TRIM23: variants seen among roughly 807,000 people sequenced by gnomAD.
TRIM23 encodes the protein E3 ubiquitin-protein ligase TRIM23.
In TRIM23, 27 loss-of-function variants were observed where a neutral mutation model predicts 71.0. The ratio of observed to expected loss-of-function variants is 0.38; its 90% confidence interval spans 0.28 to 0.52. The LOEUF (loss-of-function observed/expected upper bound fraction) is 0.52. Among genes scored for constraint, TRIM23 ranks in the 20% least tolerant of loss-of-function variants. TRIM23 has a pLI of 0.84. For synonymous variants in TRIM23, 234 were observed against 238.0 expected (o/e 0.98, Z 0.16); for missense variants, 482 against 692.3 (o/e 0.70, Z 3.41).
rs1446117059 is a variant in TRIM23 at position 65,613,734 on chromosome 5, T to G, written c.366+364A>C. The G allele has an allele frequency of 3.4e-6, 4 of 1,193,846 alleles. No individual in the cohort carries two copies. The African/African-American group carries it at 6.4e-5, about 19-fold the overall frequency. 74.0% of individuals were successfully genotyped at this position (1,193,846 alleles called of 1,614,324 possible). On this transcript the variant is annotated intron_variant, in intron 3 of 10. Coordinates refer to ENST00000231524, the MANE Select transcript of TRIM23 (RefSeq NM_001656.4). ...TATTAAATGGCCTCTTACATCGAGT[T>G]TTTCTTTCTCTCATTGAGTTTTACT...
At position 65,624,202 on chromosome 5, in the gene TRIM23, C is replaced by T. The variant is rs1755046932; in HGVS notation, c.73G>A (p.Val25Ile). Residue 25 changes from valine to isoleucine, a missense_variant, in exon 1 of 11, where the codon GTA becomes ATA. Around this residue, in one of 2 missense-constraint regions of TRIM23, gnomAD observed 175 missense variants for 196.5 expected, o/e 0.89. Transcript: ENST00000231524. ...CACGCAAGGTCCCTCACCTTCACTA[C>T]AGCTGTCCCCCGGCTGCCCTGCCGG... is the stretch of plus-strand genomic sequence containing the variant. ...SGRQGSRGTA[V>I]VKVLECGVCE... 1 of 1,614,096 alleles carries T rather than the reference C, an allele frequency of 6.2e-7. No homozygotes were observed. Among genetic ancestry groups the T allele is most frequent in the African/African-American group, 1.3e-5 (1 of 74,952 alleles).
Position 65,590,336 on chromosome 5 carries a change from T to C in TRIM23, c.*1433A>G. ...TAAAGGATGAAATATTACATTTATTTATTTACATATTGCCCATAATACTGA... is the reference window on the plus strand; with the variant it reads ...TAAAGGATGAAATATTACATTTATTCATTTACATATTGCCCATAATACTGA... On this transcript the variant is annotated 3_prime_UTR_variant, in exon 11 of 11. Coordinates refer to ENST00000231524, the MANE Select transcript of TRIM23 (RefSeq NM_001656.4). The C allele has an allele frequency of 6.8e-7, 1 of 1,462,216 alleles. No homozygotes were observed. Among genetic ancestry groups the C allele is most frequent in the Non-Finnish European group, 9.4e-7 (1 of 1,069,510 alleles). 90.6% of individuals were successfully genotyped at this position (1,462,216 alleles called of 1,614,324 possible).
At chr5:65,622,068 A>C (rs1008627656) in intron 1 of TRIM23, among the ~76,000 whole-genome samples, 7 of 152,102 alleles carry the variant, frequency 4.6e-5, no homozygotes, top group African/African-American at 9.7e-5. Flanking sequence ...CTGGGGCTCA[A>C]GCAATCCTCC....
intron 1 of TRIM23, among the ~76,000 whole-genome samples, chr5:65,621,262 G>A (rs566266445): frequency 5.3e-5 from 8 of 152,292 alleles, no homozygotes; most frequent in Non-Finnish European, 1.0e-4. Flanking sequence ...TGAGGCAGGA[G>A]AATGGTATGA....
chr5:65,621,859 ACT>A (rs1754958073), intron 1 of TRIM23, among the ~76,000 whole-genome samples: 2 of 151,498 alleles, frequency 1.3e-5, no homozygotes, highest in African/African-American at 4.9e-5. Flanking sequence ...AAAGGGTCTC[ACT>A]CTGTCAGCCA....
chr5:65,591,395 T>A lies in TRIM23; in HGVS notation c.*374A>T. The A allele has an allele frequency of 2.6e-6, 4 of 1,568,464 alleles. No homozygotes were observed. The highest frequency in any genetic ancestry group is 3.4e-6 in the Non-Finnish European group (4 of 1,159,644). ...CACTTGCTTCACACAGAGGTCTCAT[T>A]AGGCACTCAATTGGCTATTCTTTTT... On this transcript the variant is annotated 3_prime_UTR_variant, in exon 11 of 11. Transcript: ENST00000231524.
chr5:65,616,556 C>T (rs564482202), intron 2 of TRIM23, among the ~76,000 whole-genome samples: 14 of 146,728 alleles, frequency 9.5e-5, no homozygotes, highest in African/African-American at 2.0e-4. Context: ...GCAGGAGAAT[C>T]GCTTGAACCC....
chr5:65,623,422 G>T (rs1489743346), intron 1 of TRIM23, among the ~76,000 whole-genome samples: 2 of 152,158 alleles, frequency 1.3e-5, no homozygotes, highest in Non-Finnish European at 2.9e-5. Context: ...ATAAACCAAT[G>T]GGATCAGTTC....
chr5:65,602,314 C>T (rs971322044), intron 7 of TRIM23, among the ~76,000 whole-genome samples: 5 of 152,248 alleles, frequency 3.3e-5, no homozygotes, highest in African/African-American at 1.2e-4. Flanking sequence ...TGCCACCAGT[C>T]TCTTTGCTAA....
At chr5:65,619,983 G>A (rs2150643930) in intron 1 of TRIM23, among the ~76,000 whole-genome samples, 1 of 152,296 alleles carries the variant, frequency 6.6e-6, no homozygotes, top group East Asian at 1.9e-4. Flanking sequence ...TACTCAGGAG[G>A]CTGAGGCAGG....
At chr5:65,621,876 GGA>G (rs1224513182) in intron 1 of TRIM23, among the ~76,000 whole-genome samples, 2 of 151,760 alleles carry the variant, frequency 1.3e-5, no homozygotes, top group African/African-American at 4.8e-5. Flanking sequence ...CAGCCAGGCT[GGA>G]GAGTAGTGGC....
chr5:65,594,421 TAAA>T, intron 10 of TRIM23, 97 bp downstream of exon 10: 1 of 1,375,494 alleles, frequency 7.3e-7, no homozygotes, highest in Non-Finnish European at 9.8e-7. Context: ...GAAGAAACTA[TAAA>T]TATCTATTGA....
At chr5:65,594,452 A>G in intron 10 of TRIM23, 69 bp downstream of exon 10, 7 of 1,514,524 alleles carry the variant, frequency 4.6e-6, no homozygotes, top group Middle Eastern at 1.9e-4. Flanking sequence ...GTCTTCTGAA[A>G]TATTTCCAGT....
At chr5:65,608,032 G>A (rs893616115) in intron 6 of TRIM23, among the ~76,000 whole-genome samples, 1 of 152,226 alleles carries the variant, frequency 6.6e-6, no homozygotes, top group Non-Finnish European at 1.5e-5. Context: ...ACTAGGTGTA[G>A]TTATTAACTA....
At chr5:65,593,955 C>T (rs1391489402) in intron 10 of TRIM23, among the ~76,000 whole-genome samples, 1 of 152,184 alleles carries the variant, frequency 6.6e-6, no homozygotes, top group South Asian at 2.1e-4. Context: ...ATTTTGATGA[C>T]TCCTCCTTGC....
At chr5:65,611,149 C>T in intron 4 of TRIM23, 106 bp from the exon 5 acceptor site, 1 of 984,062 alleles carries the variant, frequency 1.0e-6, no homozygotes, top group Non-Finnish European at 1.4e-6. Flanking sequence ...CCACAAGTGA[C>T]TTTTATGACA....
Position 65,591,850 on chromosome 5 carries a change from A to G in TRIM23, c.1644T>C (p.Ala548=). Residue 548 remains alanine, a synonymous_variant, in exon 11 of 11, where the codon GCT becomes GCC. Coordinates refer to ENST00000231524, the MANE Select transcript of TRIM23 (RefSeq NM_001656.4). The part of the protein sequence containing the change: ...GRSWYIQGCD[A]RSGMGLYEGL... The stretch of plus-strand genomic sequence containing the variant: ...CTTCATACAGTCCCATACCACTTCG[A>G]GCATCACAGCCCTGAATATACCAGC... 6.2e-7 allele frequency: 1 copy of G among 1,614,052 alleles called. No homozygotes were observed. Among genetic ancestry groups the G allele is most frequent in the African/African-American group, 1.3e-5 (1 of 75,014 alleles).
In TRIM23 at chr5:65,590,289, G is replaced by T; in HGVS notation, c.*1480C>A. The T allele has an allele frequency of 7.4e-7, 1 of 1,360,242 alleles. No individual in the cohort carries two copies. Among genetic ancestry groups the T allele is most frequent in the Non-Finnish European group, 1.0e-6 (1 of 972,030 alleles). 84.3% of individuals were successfully genotyped at this position (1,360,242 alleles called of 1,614,324 possible). Reference sequence around the variant, plus strand: ...ATGCACACAAACTACACCTGTAACAGCATGACCTTTTACCTGAAAAATAAA... The same window carrying T: ...ATGCACACAAACTACACCTGTAACATCATGACCTTTTACCTGAAAAATAAA... On this transcript the variant is annotated 3_prime_UTR_variant, in exon 11 of 11. Transcript: ENST00000231524.
At position 65,590,845 on chromosome 5, in the gene TRIM23, GCTTT is replaced by G. The variant is rs1478857614; in HGVS notation, c.*920_*923del. 5 of 985,174 alleles carry G rather than the reference GCTTT, an allele frequency of 5.1e-6. No individual in the cohort carries two copies. The highest frequency in any genetic ancestry group is 6.0e-6 in the Non-Finnish European group (5 of 829,926). The allele number at this position is 985,174 out of a possible 1,614,324, so 61.0% of individuals were successfully genotyped here. On this transcript the variant is annotated 3_prime_UTR_variant, in exon 11 of 11. Coordinates refer to ENST00000231524, the MANE Select transcript of TRIM23 (RefSeq NM_001656.4). ...GTACTTACAACTTCTCTTGAAGTTC[GCTTT>G]CTATTTAGGTCACTAGCTTTTAAAT...
Sources: allele counts gnomAD v4.1 joint callset (sites outside exome capture counted in the v4.1 genomes callset), GRCh38; gene constraint gnomAD v4.1.1; regional missense constraint gnomAD v4.1.1; transcripts MANE v1.5; gene names NCBI Gene and HGNC (gene_info 2026-07-23, HGNC 2026-07-21).